The following H6PD variants were observed in gnomAD, a reference collection of about 807,000 sequenced individuals.
H6PD encodes GDH/6PGL endoplasmic bifunctional protein.
Under a neutral mutation model 61.2 loss-of-function variants are expected in H6PD, and 48 were observed. The ratio of observed to expected loss-of-function variants is 0.78; its 90% confidence interval spans 0.62 to 1.00. The LOEUF is 1.00. Ranked by LOEUF, H6PD falls within the 50% of genes least tolerant of loss-of-function variation. H6PD has a pLI of 0.00. For missense variants in H6PD, 1,093 were observed against 1,065.0 expected, an observed-to-expected ratio of 1.03 and a Z score of -0.37; for synonymous variants, 480 against 457.9, an observed-to-expected ratio of 1.05 and a Z score of -0.62.
In H6PD at chr1:9,248,576, C is replaced by T. The variant is rs571325967; in HGVS notation, c.745+1493C>T. Among the ~76,000 whole-genome samples, 184 of 151,850 alleles carry T rather than the reference C, an allele frequency of 1.2e-3. 1 individual carries two copies. Among genetic ancestry groups the T allele is most frequent in the African/African-American group, 4.3e-3 (177 of 41,372 alleles). ...TACTCGGGGGCAGAGGCGGGAGGATCATTTGAGCTCAGTAGTTGGACACCA... is the reference window on the plus strand; with the variant it reads ...TACTCGGGGGCAGAGGCGGGAGGATTATTTGAGCTCAGTAGTTGGACACCA... On this transcript the variant is annotated intron_variant, in intron 3 of 4. Coordinates refer to ENST00000377403, the MANE Select transcript of H6PD (RefSeq NM_004285.4).
Position 9,263,722 on chromosome 1 carries a change from C to G in H6PD, c.1229C>G (p.Pro410Arg). The change falls in exon 5 of 5, where the codon CCT becomes CGT. Residue 410 changes from proline to arginine, a missense_variant. Physicochemically the swap from Pro to Arg is moderately radical, Grantham distance 103. Coordinates refer to ENST00000377403, the MANE Select transcript of H6PD (RefSeq NM_004285.4). Reference sequence around the variant, plus strand: ...ATCGGCCATGGCGACCTGGGCAGCCCTGCCGTGCTGGTCAGCAGGAACCTG... The same window carrying G: ...ATCGGCCATGGCGACCTGGGCAGCCGTGCCGTGCTGGTCAGCAGGAACCTG... ...FHIGHGDLGS[P>R]AVLVSRNLFR... 3 of 1,614,036 alleles carry G rather than the reference C, an allele frequency of 1.9e-6. No individual in the cohort carries two copies. The highest frequency in any genetic ancestry group is 2.5e-6 in the Non-Finnish European group (3 of 1,180,002).
At chr1:9,256,101 A>G (rs1056029464) in intron 3 of H6PD, among the ~76,000 whole-genome samples, 1 of 152,214 alleles carries the variant, frequency 6.6e-6, no homozygotes, top group Non-Finnish European at 1.5e-5. Flanking sequence ...ATTTTAAAAT[A>G]GGGGAAATAG....
intron 1 of H6PD, among the ~76,000 whole-genome samples, chr1:9,235,643 C>T (rs1640829827): frequency 6.6e-6 from 1 of 152,106 alleles, no homozygotes; most frequent in Admixed American, 6.5e-5. Context: ...TGGGGTCTTG[C>T]TTGGTTGCCC....
intron 1 of H6PD, among the ~76,000 whole-genome samples, chr1:9,244,400 A>G (rs1249320906): frequency 3.9e-5 from 6 of 152,208 alleles, no homozygotes; most frequent in South Asian, 4.1e-4. Flanking sequence ...TTCTGTCACT[A>G]TGCTGTAGCA....
intron 1 of H6PD, among the ~76,000 whole-genome samples, chr1:9,237,915 G>A (rs1455430046): frequency 3.9e-5 from 6 of 152,106 alleles, no homozygotes; most frequent in South Asian, 2.1e-4. Context: ...GAGGTACTGC[G>A]GAGAACAAAA....
chr1:9,247,154 C>A, intron 3 of H6PD, 71 bp downstream of exon 3: 4 of 1,058,194 alleles, frequency 3.8e-6, no homozygotes, highest in Non-Finnish European at 5.9e-6. Flanking sequence ...AGGCATGGGG[C>A]GCTTCTCAGA....
intron 1 of H6PD, chr1:9,242,671 C>G: frequency 2.0e-6 from 2 of 985,448 alleles, no homozygotes; most frequent in African/African-American, 3.5e-5. Flanking sequence ...GCCCTTGGGG[C>G]TCCCCCACCT....
At chr1:9,238,575 A>G (rs1640913035) in intron 1 of H6PD, among the ~76,000 whole-genome samples, 6 of 152,232 alleles carry the variant, frequency 3.9e-5, no homozygotes. Flanking sequence ...GATGACCTCA[A>G]GGTTTCTGGG....
rs1332517474 is a variant in H6PD at position 9,254,806 on chromosome 1, T to G, written c.746-7253T>G. On this transcript the variant is annotated intron_variant, in intron 3 of 4. Coordinates refer to ENST00000377403, the MANE Select transcript of H6PD (RefSeq NM_004285.4). The surrounding 1 kb of genome is among the most constrained non-coding windows in gnomAD (Gnocchi z 4.6). ...GTTGTGTGTCAGTACCACAATCAATTTTAGGACATGTTCATCACGGCAAAG... is the reference window on the plus strand; with the variant it reads ...GTTGTGTGTCAGTACCACAATCAATGTTAGGACATGTTCATCACGGCAAAG... Among the ~76,000 whole-genome samples the G allele has an allele frequency of 6.6e-6, 1 of 152,112 alleles. No individual in the cohort carries two copies. The highest frequency in any genetic ancestry group is 6.5e-5 in the Admixed American group (1 of 15,274).
rs549486552 is a variant in H6PD at position 9,256,003 on chromosome 1, C to A, written c.746-6056C>A. On this transcript the variant is annotated intron_variant, in intron 3 of 4. Transcript: ENST00000377403. Reference sequence around the variant, plus strand: ...GAATTGCAGGCTCTGGGTCGAACTGCCTGGGTTTGAAGCTATTTTTACCTC... The same window carrying A: ...GAATTGCAGGCTCTGGGTCGAACTGACTGGGTTTGAAGCTATTTTTACCTC... 3.3e-5 allele frequency among the ~76,000 whole-genome samples: 5 copies of A among 152,262 alleles called. No individual in the cohort carries two copies. The South Asian group carries it at 1.0e-3, about 32-fold the overall frequency.
chr1:9,260,597 T>C (rs1478286297), intron 3 of H6PD, among the ~76,000 whole-genome samples: 1 of 152,164 alleles, frequency 6.6e-6, no homozygotes, highest in African/African-American at 2.4e-5. Context: ...GGTGTTGCAC[T>C]GCTGTTATTC....
rs148535734 is a variant in H6PD, at chr1:9,263,826, G to A, written c.1333G>A (p.Asp445Asn). 7.0e-4 allele frequency: 1,122 copies of A among 1,613,906 alleles called. 2 individuals are homozygous for A. Among genetic ancestry groups the A allele is most frequent in the African/African-American group, 6.0e-3 (452 of 75,040 alleles). ...GLRLFGSPLS[D>N]YYAYSPVRER... ...CCGCCTTTTCGGCAGCCCTCTGTCC[G>A]ATTACTACGCCTACAGCCCTGTGCG... The change falls in exon 5 of 5, where the codon GAT (aspartate) becomes AAT (asparagine). Residue 445 changes from aspartate to asparagine, a missense_variant. Coordinates refer to ENST00000377403, the MANE Select transcript of H6PD (RefSeq NM_004285.4).
chr1:9,243,417 C>A (rs1641056994), intron 1 of H6PD, among the ~76,000 whole-genome samples: 1 of 152,200 alleles, frequency 6.6e-6, no homozygotes, highest in African/African-American at 2.4e-5. Context: ...ATAATAGGCG[C>A]TAAATCAGCC....
In H6PD at chr1:9,244,272, C is replaced by A. The variant is rs367618967; in HGVS notation, c.-10-653C>A. ...TTATAACAACTCTGTGCTGTAGGTA[C>A]CGCTATTACCCCCATTTCAGGTGAG... On this transcript the variant is annotated intron_variant, in intron 1 of 4. Coordinates refer to ENST00000377403, the MANE Select transcript of H6PD (RefSeq NM_004285.4). Among the ~76,000 whole-genome samples the A allele has an allele frequency of 6.6e-5, 10 of 152,286 alleles. No individual in the cohort carries two copies. In the East Asian group the frequency reaches 1.7e-3, roughly 26 times the overall value.
chr1:9,255,811 A>T (rs899651552), intron 3 of H6PD, among the ~76,000 whole-genome samples: 1 of 152,134 alleles, frequency 6.6e-6, no homozygotes, highest in South Asian at 2.1e-4. Flanking sequence ...CCCGGTAGGC[A>T]TTGGAATCTC....
chr1:9,237,028 A>G (rs1226991747), intron 1 of H6PD, among the ~76,000 whole-genome samples: 1 of 152,128 alleles, frequency 6.6e-6, no homozygotes, highest in East Asian at 1.9e-4. Context: ...GAACAGCTTG[A>G]CTTCATGGAG....
At chr1:9,235,312 T>TC (rs1427885927) in intron 1 of H6PD, among the ~76,000 whole-genome samples, 3 of 152,002 alleles carry the variant, frequency 2.0e-5, no homozygotes, top group Non-Finnish European at 4.4e-5. Flanking sequence ...CTCCGAGATT[T>TC]CCCCCGGGAC....
chr1:9,271,027 T>C lies in H6PD; in HGVS notation c.*6158T>C, dbSNP rs1047599723. The C allele has an allele frequency of 1.3e-5, 2 of 150,440 alleles. No homozygotes were observed. The highest frequency in any genetic ancestry group is 4.9e-5 in the African/African-American group (2 of 40,624). 9.3% of individuals were successfully genotyped at this position (150,440 alleles called of 1,614,324 possible). On this transcript the variant is annotated 3_prime_UTR_variant, in exon 5 of 5. Transcript: ENST00000377403. The stretch of plus-strand genomic sequence containing the variant: ...CGCGATCTCGGCTCACTGCAAACTT[T>C]GCCTCCCAGGTTCAAGTGATTCTCC...
At chr1:9,258,953 ATGG>A (rs1641621718) in intron 3 of H6PD, among the ~76,000 whole-genome samples, 1 of 151,792 alleles carries the variant, frequency 6.6e-6, no homozygotes, top group Non-Finnish European at 1.5e-5. Context: ...TGTTACGATG[ATGG>A]TGTTATGTTG....
Sources: gnomAD v4.1 joint callset for allele counts (sites outside exome capture counted in the v4.1 genomes callset) on GRCh38, gnomAD v4.1.1 for gene constraint, Gnocchi (gnomAD v3.1) non-coding constraint, MANE v1.5 for transcripts, NCBI Gene and HGNC (gene_info 2026-07-23, HGNC 2026-07-21) for gene names.